Variants in COL4A6 observed in about 807,000 individuals in gnomAD.
COL4A6 encodes collagen type IV alpha 6 chain.
In COL4A6, 59 loss-of-function variants were observed where a neutral mutation model predicts 126.7. The ratio of observed to expected loss-of-function variants is 0.47; its 90% CI spans 0.38 to 0.58. COL4A6 has a LOEUF of 0.58. COL4A6 is among the 20% of genes least tolerant of loss of function. The probability of loss-of-function intolerance (pLI) is 0.00; values close to 1 mark genes in which losing one functional copy is unlikely to be tolerated. For missense variants in COL4A6, 1,285 were observed against 1,337.3 expected (o/e 0.96, Z 0.61); for synonymous variants, 547 against 496.6 (o/e 1.10, Z -1.35).
chrX:108,161,703 C>T lies in COL4A6; in HGVS notation c.4249G>A (p.Asp1417Asn). 2 of 1,205,575 alleles carry T rather than the reference C, an allele frequency of 1.7e-6. No homozygotes were observed. Among genetic ancestry groups the T allele is most frequent in the Non-Finnish European group, 2.2e-6 (2 of 891,428 alleles). ...SKGLPGIPGK[D>N]GPSGLPGPPG... is the part of the protein sequence containing the mutation. ...GGGCCTGGGAGCCCACTGGGGCCAT[C>T]TTTACCGGGGATGCCAGGTAAACCT... The change falls in exon 42 of 45, where the codon GAT (aspartate) becomes AAT (asparagine). Residue 1417 changes from aspartate (D) to asparagine (N), a missense_variant. Coordinates refer to ENST00000334504, the MANE Select transcript of COL4A6 (RefSeq NM_033641.4).
intron 3 of COL4A6, among the ~76,000 whole-genome samples, chrX:108,302,009 G>A (rs2038501871): frequency 9.0e-6 from 1 of 111,264 alleles, no homozygotes; most frequent in Non-Finnish European, 1.9e-5. Context: ...CTCTGTCTGC[G>A]GGCTCCCAGC....
chrX:108,256,148 G>A (rs757926365), intron 3 of COL4A6, among the ~76,000 whole-genome samples: 1 of 112,320 alleles, frequency 8.9e-6, no homozygotes, highest in East Asian at 2.8e-4. Context: ...TGTATTGTAT[G>A]TATTTTATTT....
chrX:108,360,662 G>A (rs1012914149), intron 2 of COL4A6, among the ~76,000 whole-genome samples: 3 of 107,680 alleles, frequency 2.8e-5, no homozygotes, highest in Non-Finnish European at 3.8e-5. Context: ...TCAGCCTCCC[G>A]AGTAGCTGGG....
chrX:108,403,866 GTA>G (rs2041148197), intron 2 of COL4A6, among the ~76,000 whole-genome samples: 1 of 111,692 alleles, frequency 9.0e-6, no homozygotes, highest in African/African-American at 3.3e-5. Flanking sequence ...CTGTAAAACT[GTA>G]TATCTAAATT....
chrX:108,348,541 T>A (rs2039766462), intron 2 of COL4A6, among the ~76,000 whole-genome samples: 2 of 112,460 alleles, frequency 1.8e-5, no homozygotes, highest in Admixed American at 9.4e-5. Flanking sequence ...GGTCATTTTA[T>A]AAGTTTTAAA....
intron 3 of COL4A6, among the ~76,000 whole-genome samples, chrX:108,262,576 C>A (rs1238546783): frequency 8.9e-6 from 1 of 111,799 alleles, no homozygotes; most frequent in East Asian, 2.8e-4. Context: ...GAGAGTCCTG[C>A]TGAACTCTAC....
intron 3 of COL4A6, among the ~76,000 whole-genome samples, chrX:108,281,732 C>A (rs959744802): frequency 9.0e-6 from 1 of 110,532 alleles, no homozygotes; most frequent in African/African-American, 3.3e-5. Flanking sequence ...ATCACGCTAC[C>A]TGACTTCAAA....
At chrX:108,298,562 C>T (rs1453549009) in intron 3 of COL4A6, among the ~76,000 whole-genome samples, 2 of 111,288 alleles carry the variant, frequency 1.8e-5, no homozygotes, top group East Asian at 5.8e-4. Context: ...GTGCTGTTCT[C>T]GGGGATCCCC....
chrX:108,372,487 T>A (rs930504786), intron 2 of COL4A6, among the ~76,000 whole-genome samples: 1 of 111,819 alleles, frequency 8.9e-6, no homozygotes, highest in African/African-American at 3.2e-5. Context: ...ACTCTCCACA[T>A]CTAGACTGAT....
chrX:108,353,015 G>T (rs750065924), intron 2 of COL4A6, among the ~76,000 whole-genome samples: 1 of 112,255 alleles, frequency 8.9e-6, no homozygotes, highest in Non-Finnish European at 1.9e-5. Flanking sequence ...GCAACAGAAT[G>T]ACAGGACACT....
chrX:108,221,930 A>G (rs2036028850), intron 3 of COL4A6, among the ~76,000 whole-genome samples: 1 of 112,588 alleles, frequency 8.9e-6, no homozygotes, highest in Non-Finnish European at 1.9e-5. Context: ...GCAGACATTC[A>G]CAGGGAAAAC....
At chrX:108,160,025 T>C in intron 43 of COL4A6, 1 of 420,578 alleles carries the variant, frequency 2.4e-6, no homozygotes, top group South Asian at 3.3e-5. Context: ...CTGAGTCTGC[T>C]TTTAAGATTT....
At chrX:108,321,339 G>C (rs1479196887) in intron 2 of COL4A6, among the ~76,000 whole-genome samples, 1 of 110,697 alleles carries the variant, frequency 9.0e-6, no homozygotes, top group South Asian at 3.8e-4. Context: ...TTTTTGTTTT[G>C]TTTCATTTTG....
At chrX:108,226,180 T>C (rs1423816063) in intron 3 of COL4A6, among the ~76,000 whole-genome samples, 1 of 112,712 alleles carries the variant, frequency 8.9e-6, no homozygotes, top group Non-Finnish European at 1.9e-5. Flanking sequence ...CGTTGGATTA[T>C]TGTCAGCATT....
intron 2 of COL4A6, among the ~76,000 whole-genome samples, chrX:108,329,377 T>G (rs1036335478): frequency 9.0e-6 from 1 of 111,509 alleles, no homozygotes; most frequent in East Asian, 2.8e-4. Context: ...AAATAAAACT[T>G]AAAAAATACA....
chrX:108,377,941 C>CAAAAAAA (rs745969449), intron 2 of COL4A6, among the ~76,000 whole-genome samples: 2 of 7,248 alleles, frequency 2.8e-4, no homozygotes, highest in African/African-American at 7.7e-4. Context: ...GACTCCGTCT[C>CAAAAAAA]AAAAAAAAAA....
At chrX:108,179,664 G>A (rs1159940298) in intron 25 of COL4A6, among the ~76,000 whole-genome samples, 1 of 109,723 alleles carries the variant, frequency 9.1e-6, no homozygotes, top group Non-Finnish European at 1.9e-5. Flanking sequence ...AGGGCTGTGG[G>A]CGGAGGTCCA....
Position 108,182,363 on chromosome X carries a change from C to T in COL4A6, c.1952-1395G>A, listed in dbSNP as rs374722930. ...CTCAGTAGAGCTCCTGCAAGGCCAT[C>T]CTCAGGTTAGTGACACTGCTTGTAG... is the stretch of plus-strand genomic sequence containing the variant. On this transcript the variant is annotated intron_variant, in intron 23 of 44. Coordinates refer to ENST00000334504, the MANE Select transcript of COL4A6 (RefSeq NM_033641.4). 2.7e-5 allele frequency among the ~76,000 whole-genome samples: 3 copies of T among 112,029 alleles called. No individual in the cohort carries two copies. The East Asian group carries it at 8.4e-4, about 31-fold the overall frequency.
chrX:108,215,371 T>C (rs769621792), intron 5 of COL4A6, among the ~76,000 whole-genome samples: 7 of 112,348 alleles, frequency 6.2e-5, no homozygotes, highest in Admixed American at 1.9e-4. Context: ...TGCTGCAATC[T>C]GTGCCTCTGC....
Sources: allele counts gnomAD v4.1 joint callset (sites outside exome capture counted in the v4.1 genomes callset), GRCh38; gene constraint gnomAD v4.1.1; transcripts MANE v1.5; gene names NCBI Gene and HGNC (gene_info 2026-07-23, HGNC 2026-07-21).